Variants in TRNT1 observed in about 807,000 individuals in gnomAD.
TRNT1 encodes the protein tRNA nucleotidyl transferase 1.
In TRNT1, 44 loss-of-function variants were observed where a neutral mutation model predicts 45.6. The observed-to-expected ratio is 0.97, with a 90% CI of 0.76 to 1.24. TRNT1 has a LOEUF of 1.24. Ranked by LOEUF, TRNT1 falls within the 50% of genes most tolerant of loss-of-function variation. The pLI, the probability that TRNT1 is intolerant of heterozygous loss-of-function variation, is 0.00. For synonymous variants in TRNT1, 201 were observed against 171.4 expected, an observed-to-expected ratio of 1.17 and a Z score of -1.35; for missense variants, 633 against 504.4, an observed-to-expected ratio of 1.25 and a Z score of -2.44.
At chr3:3,130,191 A>C (rs1704921850) in intron 2 of TRNT1, 1 of 537,758 alleles carries the variant, frequency 1.9e-6, no homozygotes, top group Non-Finnish European at 3.3e-6. Context: ...TATGACCTAT[A>C]CAGCACTGGC....
intron 2 of TRNT1, among the ~76,000 whole-genome samples, chr3:3,132,734 A>AAG (rs1468210870): frequency 7.5e-6 from 1 of 132,530 alleles, no homozygotes; most frequent in East Asian, 4.6e-4. Flanking sequence ...ATTGAAGGAA[A>AAG]AAAAAAAAAA....
intron 1 of TRNT1, among the ~76,000 whole-genome samples, chr3:3,128,796 G>C (rs1186994408): frequency 6.6e-6 from 1 of 151,966 alleles, no homozygotes; most frequent in African/African-American, 2.4e-5. Context: ...GCCTGCGCTA[G>C]TGAGACCCCG....
At position 3,140,535 on chromosome 3, in the gene TRNT1, C is replaced by T. The variant is rs1278148249; in HGVS notation, c.368C>T (p.Thr123Ile). 2 of 1,613,938 alleles carry T rather than the reference C, an allele frequency of 1.2e-6. No individual in the cohort carries two copies. The highest frequency in any genetic ancestry group is 1.7e-6 in the Non-Finnish European group (2 of 1,179,980). Residue 123 changes from threonine (T) to isoleucine (I), a missense_variant, in exon 4 of 8, where the codon ACT becomes ATT. By Grantham distance (89) the Thr-to-Ile change is moderately conservative. Transcript: ENST00000251607. Reference protein sequence around the residue: ...ARLHEENFEITTLRIDVTTDG... With the variant: ...ARLHEENFEIITLRIDVTTDG... ...CTTCATGAAGAAAATTTTGAGATTA[C>T]TACACTACGGATTGATGTCACCACT... is the stretch of plus-strand genomic sequence containing the variant.
intron 2 of TRNT1, chr3:3,136,846 C>T: frequency 3.2e-6 from 1 of 315,702 alleles, no homozygotes; most frequent in Admixed American, 4.6e-5. Flanking sequence ...TAGATAGAGT[C>T]TTGCTCTTTG....
At chr3:3,135,606 A>C (rs999416380) in intron 2 of TRNT1, among the ~76,000 whole-genome samples, 1 of 152,212 alleles carries the variant, frequency 6.6e-6, no homozygotes, top group African/African-American at 2.4e-5. Flanking sequence ...TTTTAAGTAC[A>C]TCATTTTAAG....
At chr3:3,151,071 C>T (rs1403107215), downstream of TRNT1, 1 of 1,611,898 alleles carries the variant, frequency 6.2e-7, no homozygotes, top group Non-Finnish European at 8.5e-7. Context: ...AAGATATCAG[C>T]TAAGGAAACA....
intron 2 of TRNT1, among the ~76,000 whole-genome samples, chr3:3,135,274 C>G (rs1351588519): frequency 6.6e-6 from 1 of 152,076 alleles, no homozygotes; most frequent in Non-Finnish European, 1.5e-5. Context: ...TTTGTGCAGA[C>G]AGCTGGTACA....
chr3:3,140,818 C>T, intron 4 of TRNT1, 170 bp downstream of exon 4: 2 of 685,602 alleles, frequency 2.9e-6, no homozygotes, highest in Non-Finnish European at 4.5e-6. Context: ...CACGGTGGGT[C>T]ACGCCTGTAA....
At chr3:3,144,123 CTGT>C (rs776862184) in intron 4 of TRNT1, among the ~76,000 whole-genome samples, 5 of 152,070 alleles carry the variant, frequency 3.3e-5, no homozygotes, top group Non-Finnish European at 7.4e-5. Context: ...TTCGAAAATC[CTGT>C]TGTTTTTGTG....
At chr3:3,143,452 CA>C (rs754131216) in intron 4 of TRNT1, among the ~76,000 whole-genome samples, 2 of 152,152 alleles carry the variant, frequency 1.3e-5, no homozygotes, top group Non-Finnish European at 2.9e-5. Flanking sequence ...TCAAAATTCA[CA>C]AAGTTTTAAA....
intron 5 of TRNT1, among the ~76,000 whole-genome samples, 195 bp from the exon 6 acceptor site, chr3:3,146,235 G>A (rs928444664): frequency 1.3e-5 from 2 of 151,772 alleles, no homozygotes; most frequent in Non-Finnish European, 2.9e-5. Context: ...TCGATCCTGG[G>A]TTTTCTTATC....
downstream of TRNT1, chr3:3,153,430 A>G: frequency 6.6e-7 from 1 of 1,519,394 alleles, no homozygotes; most frequent in Non-Finnish European, 9.1e-7. Context: ...TTACCTGAAT[A>G]TTTCATTTTT....
chr3:3,149,018 TACAAAC>T (rs930158435), exon 8 of TRNT1: 6 of 151,984 alleles, frequency 3.9e-5, no homozygotes, highest in Non-Finnish European at 8.8e-5. Context: ...AAATGTATAA[TACAAAC>T]TGTTTATTTC....
intron 2 of TRNT1, chr3:3,130,086 G>A (rs1704915193): frequency 4.1e-6 from 4 of 975,522 alleles, no homozygotes; most frequent in Non-Finnish European, 4.5e-6. Flanking sequence ...AATGTTGTCT[G>A]CTGATGTTGC....
intron 2 of TRNT1, among the ~76,000 whole-genome samples, chr3:3,135,162 A>G (rs1163710745): frequency 6.6e-6 from 1 of 152,180 alleles, no homozygotes; most frequent in Non-Finnish European, 1.5e-5. Context: ...GTTATGGGCT[A>G]AGAAGTGTGA....
In TRNT1 at chr3:3,148,277, C is replaced by CAAG. The variant is rs1559232773; in HGVS notation, c.*124_*126dup. ...AGTTTAGGGGACCTCTGTAGAACAACAAGGGTCTTATTTTGTGAATTATAT... is the reference window on the plus strand; with the variant it reads ...AGTTTAGGGGACCTCTGTAGAACAACAAGAAGGGTCTTATTTTGTGAATTATAT... On this transcript the variant is annotated 3_prime_UTR_variant, in exon 8 of 8. Coordinates refer to ENST00000251607, the MANE Select transcript of TRNT1 (RefSeq NM_182916.3). 1.6e-5 allele frequency: 16 copies of CAAG among 1,005,144 alleles called. No individual in the cohort carries two copies. The highest frequency in any genetic ancestry group is 1.5e-4 in the East Asian group (6 of 39,112). The allele number at this position is 1,005,144 out of a possible 1,614,324, so 62.3% of individuals were successfully genotyped here.
At chr3:3,135,686 A>C (rs1650677553) in intron 2 of TRNT1, among the ~76,000 whole-genome samples, 1 of 152,200 alleles carries the variant, frequency 6.6e-6, no homozygotes, top group Non-Finnish European at 1.5e-5. Flanking sequence ...GCAGGACAGA[A>C]AACAGATGTT....
chr3:3,150,873 A>G (rs1300645996), downstream of TRNT1: 3 of 1,613,640 alleles, frequency 1.9e-6, no homozygotes, highest in Admixed American at 5.0e-5. Context: ...GTTTACAAGC[A>G]AAGTATTACT....
chr3:3,153,241 A>G (rs1706710105), downstream of TRNT1: 11 of 557,072 alleles, frequency 2.0e-5, no homozygotes, highest in South Asian at 2.3e-4. Context: ...CCTGACATGC[A>G]TTGTTGCTCT....
Sources: gnomAD v4.1 joint callset for allele counts (sites outside exome capture counted in the v4.1 genomes callset) on GRCh38, gnomAD v4.1.1 for gene constraint, MANE v1.5 for transcripts, NCBI Gene and HGNC (gene_info 2026-07-23, HGNC 2026-07-21) for gene names.